Variants in WHRN observed in about 807,000 individuals in gnomAD.
WHRN encodes CASK-interacting protein CIP98.
Under a neutral mutation model 68.3 loss-of-function variants are expected in WHRN, and 41 were observed. The ratio of observed to expected loss-of-function variants is 0.60; its 90% CI spans 0.47 to 0.78. The LOEUF (loss-of-function observed/expected upper bound fraction) is 0.78, where lower values mean the gene tolerates loss of function less well. Among genes scored for constraint, WHRN ranks in the 30% least tolerant of loss-of-function variants. The pLI is 0.00. For missense variants in WHRN, 1,243 were observed against 1,244.7 expected (o/e 1.00, Z 0.02); for synonymous variants, 560 against 561.3 (o/e 1.00, Z 0.03).
At chr9:114,464,276 G>C (rs1183336425) in intron 3 of WHRN, among the ~76,000 whole-genome samples, 1 of 152,206 alleles carries the variant, frequency 6.6e-6, no homozygotes, top group Non-Finnish European at 1.5e-5. Flanking sequence ...TGATGATAAT[G>C]ATGTTTGTCT....
At chr9:114,429,617 G>T (rs1250324835) in intron 3 of WHRN, among the ~76,000 whole-genome samples, 1 of 152,228 alleles carries the variant, frequency 6.6e-6, no homozygotes, top group Admixed American at 6.5e-5. Context: ...AACTTCGGCA[G>T]CCCTGGCTGG....
chr9:114,501,531 T>A (rs937618508), intron 1 of WHRN, among the ~76,000 whole-genome samples: 5 of 146,542 alleles, frequency 3.4e-5, no homozygotes, highest in African/African-American at 1.3e-4. Context: ...TCCTAAAATT[T>A]AATTTAATTT....
chr9:114,495,614 T>C (rs1344634049), intron 1 of WHRN, among the ~76,000 whole-genome samples: 2 of 151,974 alleles, frequency 1.3e-5, no homozygotes, highest in African/African-American at 2.4e-5. Flanking sequence ...GGCTAGAAGA[T>C]GGGTGGAGAT....
intron 1 of WHRN, among the ~76,000 whole-genome samples, chr9:114,498,208 T>C (rs930119421): frequency 2.0e-5 from 3 of 152,184 alleles, no homozygotes; most frequent in Non-Finnish European, 4.4e-5. Context: ...GCAAGGCAGA[T>C]CAAATCTTGG....
chr9:114,426,607 A>G (rs1836887587), intron 3 of WHRN, among the ~76,000 whole-genome samples, 194 bp from the exon 4 acceptor site: 1 of 152,222 alleles, frequency 6.6e-6, no homozygotes, highest in African/African-American at 2.4e-5. Flanking sequence ...CCTGACCCAG[A>G]GTCCATGCTC....
At chr9:114,443,366 G>A (rs1352591899) in intron 3 of WHRN, among the ~76,000 whole-genome samples, 1 of 152,198 alleles carries the variant, frequency 6.6e-6, no homozygotes, top group African/African-American at 2.4e-5. Flanking sequence ...GTTCCTTTCT[G>A]GAGAGTCCGG....
At chr9:114,499,204 G>C (rs144555972) in intron 1 of WHRN, among the ~76,000 whole-genome samples, 1 of 152,108 alleles carries the variant, frequency 6.6e-6, no homozygotes, top group Non-Finnish European at 1.5e-5. Flanking sequence ...AGGAATGCAC[G>C]GAAAAAGAAT....
chr9:114,436,144 T>C (rs563627235), intron 3 of WHRN, among the ~76,000 whole-genome samples: 4 of 152,328 alleles, frequency 2.6e-5, no homozygotes, highest in African/African-American at 4.8e-5. Flanking sequence ...ACACACTGCA[T>C]GGTTCCAACT....
intron 3 of WHRN, among the ~76,000 whole-genome samples, chr9:114,452,976 C>T (rs369125805): frequency 3.9e-5 from 6 of 152,150 alleles, no homozygotes; most frequent in African/African-American, 1.2e-4. Context: ...TGCTGGGAGG[C>T]GAGAGCAAGC....
At chr9:114,490,003 A>T (rs903390397) in intron 1 of WHRN, among the ~76,000 whole-genome samples, 1 of 152,228 alleles carries the variant, frequency 6.6e-6, no homozygotes, top group Non-Finnish European at 1.5e-5. Flanking sequence ...GTGTGGTAAG[A>T]ATTCTGTTTC....
At chr9:114,462,921 C>T (rs1487433951) in intron 3 of WHRN, among the ~76,000 whole-genome samples, 1 of 152,168 alleles carries the variant, frequency 6.6e-6, no homozygotes, top group Non-Finnish European at 1.5e-5. Flanking sequence ...CATCAGTAAT[C>T]AGAGAGAGAG....
At position 114,493,507 on chromosome 9, in the gene WHRN, C is replaced by A. The variant is rs186945109; in HGVS notation, c.618+10677G>T. 7.8e-3 allele frequency among the ~76,000 whole-genome samples: 1,185 copies of A among 152,228 alleles called. 6 individuals are homozygous for A. The highest frequency in any genetic ancestry group is 0.012 in the Non-Finnish European group (785 of 68,024). On this transcript the variant is annotated intron_variant, in intron 1 of 11. Transcript: ENST00000362057. ...TCTGTGACAGCAGAGTTAATGACCA[C>A]CAGCCTTTCACATGAGGCCCAGGAG...
chr9:114,446,939 T>A (rs969010983), intron 3 of WHRN, among the ~76,000 whole-genome samples: 39 of 151,176 alleles, frequency 2.6e-4, no homozygotes, highest in Admixed American at 1.3e-4. Context: ...AGCCCCTCAG[T>A]CCCTCTCAGC....
chr9:114,420,340 C>G (rs1381782852), intron 7 of WHRN, among the ~76,000 whole-genome samples: 1 of 152,148 alleles, frequency 6.6e-6, no homozygotes, highest in African/African-American at 2.4e-5. Context: ...CCCCACTGCT[C>G]TAAAGAAAAG....
rs929807196 is a variant in WHRN, at chr9:114,488,106, C to G, written c.619-9335G>C. ...AAGGTACAGTTGCTAGAAAGCCATT[C>G]TCAAACAGTGTTCAACCCCTTCCTA... On this transcript the variant is annotated intron_variant, in intron 1 of 11. Transcript: ENST00000362057. Among the ~76,000 whole-genome samples, 24 of 152,202 alleles carry G rather than the reference C, an allele frequency of 1.6e-4. 3 individuals carry two copies. Among genetic ancestry groups the G allele is most frequent in the Admixed American group, 1.6e-3 (24 of 15,282 alleles).
intron 3 of WHRN, among the ~76,000 whole-genome samples, chr9:114,433,183 G>C (rs937652295): frequency 1.3e-5 from 2 of 152,190 alleles, no homozygotes; most frequent in Non-Finnish European, 2.9e-5. Context: ...CCCAGCCCTG[G>C]GCTTTAGGCC....
chr9:114,482,453 T>A (rs968910298), intron 1 of WHRN, among the ~76,000 whole-genome samples: 2 of 152,130 alleles, frequency 1.3e-5, no homozygotes, highest in African/African-American at 2.4e-5. Context: ...CAGTGGACAG[T>A]CCTTGGGCCG....
intron 3 of WHRN, among the ~76,000 whole-genome samples, chr9:114,455,547 C>T (rs1839709477): frequency 1.3e-5 from 2 of 150,536 alleles, no homozygotes; most frequent in South Asian, 4.3e-4. Flanking sequence ...TCTTTCTGTA[C>T]AAAAAATACA....
chr9:114,423,221 G>A (rs1836473397), intron 7 of WHRN, 93 bp downstream of exon 7: 1 of 1,326,468 alleles, frequency 7.5e-7, no homozygotes, highest in South Asian at 1.2e-5. Flanking sequence ...AAGTGGTGGT[G>A]CTGGGATTCG....
Sources: allele counts gnomAD v4.1 joint callset (sites outside exome capture counted in the v4.1 genomes callset), GRCh38; gene constraint gnomAD v4.1.1; transcripts MANE v1.5; gene names NCBI Gene and HGNC (gene_info 2026-07-23, HGNC 2026-07-21).